Variants in COLGALT2 observed in about 807,000 individuals in gnomAD.
The protein encoded by COLGALT2 is collagen beta(1-O)galactosyltransferase 2, also known as procollagen galactosyltransferase 2.
A neutral mutation model predicts 73.4 loss-of-function variants in COLGALT2; 49 were observed. That is an observed-to-expected ratio of 0.67 (90% CI 0.53 to 0.85). The LOEUF (loss-of-function observed/expected upper bound fraction) is 0.85. Among genes scored for constraint, COLGALT2 ranks in the 40% least tolerant of loss-of-function variants. COLGALT2 has a pLI of 0.00. For synonymous variants in COLGALT2, 295 were observed against 307.6 expected (o/e 0.96, Z 0.43); for missense variants, 722 against 790.2 (o/e 0.91, Z 1.03).
intron 8 of COLGALT2, among the ~76,000 whole-genome samples, chr1:183,948,416 T>C (rs1670304425): frequency 6.6e-6 from 1 of 152,192 alleles, no homozygotes; most frequent in Admixed American, 6.5e-5. Flanking sequence ...GTTGCAAGTT[T>C]GGTTTAACAT....
downstream of COLGALT2, chr1:183,935,769 G>C (rs1001479164): frequency 3.3e-5 from 27 of 816,036 alleles, no homozygotes; most frequent in Admixed American, 1.2e-4. Context: ...GTCAAGGGCA[G>C]ACCTGGTAAT....
intron 1 of COLGALT2, among the ~76,000 whole-genome samples, chr1:184,002,025 G>A (rs1671941350): frequency 6.6e-6 from 1 of 152,202 alleles, no homozygotes; most frequent in East Asian, 1.9e-4. Flanking sequence ...GCCACCCCTT[G>A]CTCCTATTTT....
downstream of COLGALT2, among the ~76,000 whole-genome samples, chr1:183,932,832 T>C (rs10797923): frequency 0.28 from 42,773 of 151,986 alleles, 6,211 homozygotes; most frequent in Non-Finnish European, 0.3. Context: ...CTGGCAGCGA[T>C]TCCCATGAGT....
intron 1 of COLGALT2, among the ~76,000 whole-genome samples, chr1:183,981,611 C>G (rs968387487): frequency 6.6e-6 from 1 of 152,084 alleles, no homozygotes; most frequent in Admixed American, 6.6e-5. Context: ...CAGCCGAGAT[C>G]GGGCCACTGC....
chr1:183,948,806 T>C (rs1157873007), intron 8 of COLGALT2, among the ~76,000 whole-genome samples: 1 of 152,194 alleles, frequency 6.6e-6, no homozygotes, highest in Admixed American at 6.5e-5. Context: ...GACATGGTCT[T>C]GTATGTAGAA....
rs148860679 is a variant in COLGALT2, at chr1:183,940,688, G to A, written c.1497C>T (p.Gly499=). 5.6e-6 allele frequency: 9 copies of A among 1,614,208 alleles called. No homozygotes were observed. Among genetic ancestry groups the A allele is most frequent in the Non-Finnish European group, 7.6e-6 (9 of 1,180,038 alleles). Residue 499 remains glycine (G), a synonymous_variant, in exon 11 of 12, where the codon GGC becomes GGT. Coordinates refer to ENST00000361927, the MANE Select transcript of COLGALT2 (RefSeq NM_015101.4). ...VEADYSYWTL[G]YVISLEGAQK... ...GTGCTCCTTCCAGAGAGATGACGTA[G>A]CCCAGGGTCCAGTAGGAATAGTCGG... is the stretch of plus-strand genomic sequence containing the variant.
intron 4 of COLGALT2, among the ~76,000 whole-genome samples, chr1:183,971,812 C>A (rs1256384625): frequency 6.6e-6 from 1 of 152,204 alleles, no homozygotes; most frequent in Non-Finnish European, 1.5e-5. Flanking sequence ...CGTTAATCCC[C>A]ACCACTCTAA....
Position 183,950,990 on chromosome 1 carries a change from G to C in COLGALT2, c.1136+17C>G, listed in dbSNP as rs1408674804. 1 of 1,584,800 alleles carries C rather than the reference G, an allele frequency of 6.3e-7. No homozygotes were observed. Among genetic ancestry groups the C allele is most frequent in the Non-Finnish European group, 8.7e-7 (1 of 1,153,642 alleles). ...CACTCCAATCACATCTGCAATGGGAGAAGAAACCCAACTCACTTTCCATCC... is the reference window on the plus strand; with the variant it reads ...CACTCCAATCACATCTGCAATGGGACAAGAAACCCAACTCACTTTCCATCC... On this transcript the variant is annotated intron_variant, in intron 8 of 11. Transcript: ENST00000361927.
intron 1 of COLGALT2, among the ~76,000 whole-genome samples, chr1:183,988,031 C>T (rs1020997419): frequency 1.3e-5 from 2 of 152,212 alleles, no homozygotes; most frequent in African/African-American, 4.8e-5. Context: ...CATCTATCCA[C>T]ACATGCTCAG....
intron 3 of COLGALT2, among the ~76,000 whole-genome samples, chr1:183,974,781 A>G (rs1040983089): frequency 5.3e-5 from 8 of 152,228 alleles, no homozygotes. Context: ...TGTAAGAACA[A>G]CTTACATTGC....
intron 1 of COLGALT2, among the ~76,000 whole-genome samples, chr1:183,990,433 C>CT (rs1671601017): frequency 6.6e-6 from 1 of 152,234 alleles, no homozygotes; most frequent in South Asian, 2.1e-4. Context: ...AAAGCAACAC[C>CT]TTGTCATTCA....
At chr1:183,988,087 C>T (rs1399655916) in intron 1 of COLGALT2, among the ~76,000 whole-genome samples, 1 of 152,172 alleles carries the variant, frequency 6.6e-6, no homozygotes, top group East Asian at 1.9e-4. Flanking sequence ...GCTGGGAGGA[C>T]AGCAATACTA....
rs545446660 is a variant in COLGALT2 at position 183,937,916 on chromosome 1, G to T, written c.*845C>A. 3.0e-6 allele frequency: 3 copies of T among 985,310 alleles called. No individual in the cohort carries two copies. In the African/African-American group the frequency reaches 5.2e-5, roughly 17 times the overall value. 61.0% of individuals were successfully genotyped at this position (985,310 alleles called of 1,614,324 possible). A position where few individuals can be genotyped will look rare whatever the true frequency, so the allele number is the denominator to read the frequency against. On this transcript the variant is annotated 3_prime_UTR_variant, in exon 12 of 12. Coordinates refer to ENST00000361927, the MANE Select transcript of COLGALT2 (RefSeq NM_015101.4). The stretch of plus-strand genomic sequence containing the variant: ...GGAGAGCGTGAAGCTCTGTAGCAGC[G>T]CGCAAACCCGGGACAGGGCAGGATG...
chr1:184,001,263 AAAAAT>A (rs990845966), intron 1 of COLGALT2, among the ~76,000 whole-genome samples: 1 of 152,160 alleles, frequency 6.6e-6, no homozygotes, highest in African/African-American at 2.4e-5. Context: ...CTTTTTTAAA[AAAAAT>A]AAAATAAATA....
intron 1 of COLGALT2, among the ~76,000 whole-genome samples, chr1:184,003,920 G>C (rs756044113): frequency 6.6e-6 from 1 of 152,146 alleles, no homozygotes; most frequent in East Asian, 1.9e-4. Context: ...CAAAGAAGAC[G>C]AAGAGGATAT....
chr1:183,954,256 G>C (rs1670491341), intron 7 of COLGALT2, among the ~76,000 whole-genome samples: 1 of 137,484 alleles, frequency 7.3e-6, no homozygotes, highest in African/African-American at 2.9e-5. Context: ...CTGAAAGGCA[G>C]AATTTTAGAA....
At chr1:183,997,054 A>G (rs894852327) in intron 1 of COLGALT2, among the ~76,000 whole-genome samples, 2 of 152,208 alleles carry the variant, frequency 1.3e-5, no homozygotes, top group Non-Finnish European at 2.9e-5. Context: ...CAGGCAGTGT[A>G]AAAAGCTCTA....
downstream of COLGALT2, among the ~76,000 whole-genome samples, chr1:183,931,510 G>A (rs1258009719): frequency 6.6e-6 from 1 of 152,090 alleles, no homozygotes; most frequent in African/African-American, 2.4e-5. Context: ...GGTGTTCCCC[G>A]GGGGTGCCTG....
Position 183,944,261 on chromosome 1 carries a change from C to A in COLGALT2, c.1332G>T (p.Gln444His). Residue 444 changes from glutamine to histidine, a missense_variant, in exon 10 of 12, where the codon CAG becomes CAT. By Grantham distance (24) the Gln-to-His change is conservative. Transcript: ENST00000361927. ...VIEDDVRFEH[Q>H]FKKKLMKLMD... is the part of the protein sequence containing the mutation. ...TCAGCTTCATCAGCTTCTTCTTAAA[C>A]TGATGCTCAAAACGCACATCGTCTT... The A allele has an allele frequency of 6.2e-7, 1 of 1,614,082 alleles. No homozygotes were observed. The highest frequency in any genetic ancestry group is 1.3e-5 in the African/African-American group (1 of 75,054).
Sources: gnomAD v4.1 joint callset for allele counts (sites outside exome capture counted in the v4.1 genomes callset) on GRCh38, gnomAD v4.1.1 for gene constraint, MANE v1.5 for transcripts, NCBI Gene and HGNC (gene_info 2026-07-23, HGNC 2026-07-21) for gene names.